The following DOCK4 variants were observed in gnomAD, a reference collection of about 807,000 sequenced individuals.
DOCK4 encodes the protein dedicator of cytokinesis 4.
Under a neutral mutation model 268.1 loss-of-function variants are expected in DOCK4, and 97 were observed. The ratio of observed to expected loss-of-function variants is 0.36; its 90% CI spans 0.31 to 0.43. The LOEUF (loss-of-function observed/expected upper bound fraction) is 0.43, where lower values mean the gene tolerates loss of function less well. Among genes scored for constraint, DOCK4 ranks in the 20% least tolerant of loss-of-function variants. The pLI, the probability that DOCK4 is intolerant of heterozygous loss-of-function variation, is 1.00. For synonymous variants in DOCK4, 954 were observed against 887.2 expected, an observed-to-expected ratio of 1.08 and a Z score of -1.34; for missense variants, 2,145 against 2,455.7, an observed-to-expected ratio of 0.87 and a Z score of 2.67.
intron 8 of DOCK4, among the ~76,000 whole-genome samples, chr7:111,959,137 C>T (rs1022106654): frequency 6.6e-6 from 1 of 150,760 alleles, no homozygotes; most frequent in Non-Finnish European, 1.5e-5. Flanking sequence ...CGCTGTGGGT[C>T]ACTGACAGGC....
At chr7:112,131,084 AAT>A (rs1813754201) in intron 1 of DOCK4, among the ~76,000 whole-genome samples, 1 of 152,212 alleles carries the variant, frequency 6.6e-6, no homozygotes, top group Non-Finnish European at 1.5e-5. Flanking sequence ...GTATGCCATA[AAT>A]ATGTCTTAAA....
At chr7:112,091,015 C>T (rs186834905) in intron 1 of DOCK4, among the ~76,000 whole-genome samples, 22 of 152,220 alleles carry the variant, frequency 1.4e-4, no homozygotes, top group Admixed American at 3.9e-4. Flanking sequence ...GGTCTGTTTA[C>T]GAATCATCAG....
In DOCK4 at chr7:112,162,993, C is replaced by G. The variant is rs977028243; in HGVS notation, c.37+43109G>C. ...CGTAACACTGCCTGAGTGTGGGGAG[C>G]CAGACGTCAACTTATCCTCCTTTGT... On this transcript the variant is annotated intron_variant, in intron 1 of 52. Transcript: ENST00000428084. Among the ~76,000 whole-genome samples the G allele has an allele frequency of 2.0e-5, 3 of 152,212 alleles. No homozygotes were observed. In the East Asian group the frequency reaches 5.8e-4, roughly 29 times the overall value.
intron 36 of DOCK4, 142 bp from the exon 37 acceptor site, chr7:111,769,819 T>C: frequency 2.1e-6 from 2 of 965,512 alleles, no homozygotes; most frequent in Non-Finnish European, 1.5e-6. Flanking sequence ...CCAGAATATA[T>C]GCAGCAGTAG....
At chr7:111,947,320 CT>C (rs1795696450) in intron 8 of DOCK4, among the ~76,000 whole-genome samples, 1 of 152,194 alleles carries the variant, frequency 6.6e-6, no homozygotes, top group Admixed American at 6.5e-5. Flanking sequence ...CACTTATTCT[CT>C]TTGGTGATCT....
intron 7 of DOCK4, among the ~76,000 whole-genome samples, chr7:111,982,592 C>T (rs1241980459): frequency 6.6e-6 from 1 of 152,080 alleles, no homozygotes; most frequent in African/African-American, 2.4e-5. Context: ...TAAACTGAGG[C>T]TTTGACAGAT....
intron 35 of DOCK4, among the ~76,000 whole-genome samples, chr7:111,779,613 G>A (rs760898266): frequency 2.6e-5 from 4 of 152,022 alleles, no homozygotes; most frequent in East Asian, 1.9e-4. Context: ...GGCTAGTCTC[G>A]AACTCCTGAC....
chr7:112,040,437 A>G (rs1010392108), intron 1 of DOCK4, among the ~76,000 whole-genome samples: 2 of 152,236 alleles, frequency 1.3e-5, no homozygotes, highest in African/African-American at 4.8e-5. Flanking sequence ...TGAAAAACTG[A>G]TCAAGAAGTA....
intron 1 of DOCK4, among the ~76,000 whole-genome samples, chr7:112,063,107 A>G (rs1030998842): frequency 6.6e-6 from 1 of 152,224 alleles, no homozygotes; most frequent in Non-Finnish European, 1.5e-5. Context: ...TACAAAGCAC[A>G]CAGAATCTCC....
intron 1 of DOCK4, among the ~76,000 whole-genome samples, chr7:112,165,927 AC>A (rs1164774488): frequency 6.6e-6 from 1 of 151,900 alleles, no homozygotes; most frequent in Non-Finnish European, 1.5e-5. Flanking sequence ...CCTCCAAATA[AC>A]TGCCACTTTC....
intron 1 of DOCK4, among the ~76,000 whole-genome samples, chr7:112,076,669 C>T (rs1197717755): frequency 2.0e-5 from 3 of 152,048 alleles, no homozygotes; most frequent in African/African-American, 4.8e-5. Context: ...ACAAATGAGT[C>T]CTAAATTCCA....
chr7:111,974,747 A>G (rs1798038741), intron 8 of DOCK4, among the ~76,000 whole-genome samples: 1 of 152,012 alleles, frequency 6.6e-6, no homozygotes, highest in South Asian at 2.1e-4. Context: ...CAAACACAAC[A>G]TTTTGGCAGA....
At chr7:111,757,974 G>A (rs936327122) in intron 41 of DOCK4, among the ~76,000 whole-genome samples, 2 of 152,172 alleles carry the variant, frequency 1.3e-5, no homozygotes, top group East Asian at 1.9e-4. Flanking sequence ...GTGGGGCTAT[G>A]AGAAACCTTG....
chr7:111,954,656 G>A (rs954271129), intron 8 of DOCK4, among the ~76,000 whole-genome samples: 2 of 152,216 alleles, frequency 1.3e-5, no homozygotes, highest in Admixed American at 1.3e-4. Flanking sequence ...GAGACTGTCC[G>A]GGTACTACGT....
At chr7:112,194,686 T>C (rs1252268671) in intron 1 of DOCK4, among the ~76,000 whole-genome samples, 1 of 152,202 alleles carries the variant, frequency 6.6e-6, no homozygotes, top group African/African-American at 2.4e-5. Context: ...ATAAAAGAAA[T>C]GTATGCTAAT....
intron 1 of DOCK4, among the ~76,000 whole-genome samples, chr7:112,093,230 G>A (rs76550649): frequency 0.027 from 4,179 of 152,180 alleles, 134 homozygotes; most frequent in African/African-American, 0.081. Flanking sequence ...ACATGAAGTG[G>A]CTCTTAGCAC....
At chr7:111,953,165 T>C (rs984989628) in intron 8 of DOCK4, among the ~76,000 whole-genome samples, 3 of 151,506 alleles carry the variant, frequency 2.0e-5, no homozygotes, top group Non-Finnish European at 4.4e-5. Flanking sequence ...AGGCAGAGGT[T>C]GCAATGAGCT....
chr7:111,852,037 C>T (rs1471028282), intron 23 of DOCK4, among the ~76,000 whole-genome samples: 3 of 148,544 alleles, frequency 2.0e-5, no homozygotes, highest in Non-Finnish European at 3.0e-5. Flanking sequence ...GATCTCGGCT[C>T]ACTGCAACTT....
intron 3 of DOCK4, 125 bp from the exon 4 acceptor site, chr7:111,998,628 T>G: frequency 1.9e-6 from 1 of 529,422 alleles, no homozygotes; most frequent in Non-Finnish European, 3.2e-6. Context: ...GCAACATCTC[T>G]ACCACATTCT....
Sources: gnomAD v4.1 joint callset for allele counts (sites outside exome capture counted in the v4.1 genomes callset) on GRCh38, gnomAD v4.1.1 for gene constraint, MANE v1.5 for transcripts, NCBI Gene and HGNC (gene_info 2026-07-23, HGNC 2026-07-21) for gene names.